The following VPS35L variants were observed in gnomAD, a reference collection of about 807,000 sequenced individuals.
The protein encoded by VPS35L is VPS35 endosomal protein-sorting factor-like.
A neutral mutation model predicts 133.0 loss-of-function variants in VPS35L; 83 were observed. The ratio of observed to expected loss-of-function variants is 0.62; its 90% CI spans 0.52 to 0.75. The LOEUF (loss-of-function observed/expected upper bound fraction) is 0.75, where lower values mean the gene tolerates loss of function less well. Among genes scored for constraint, VPS35L ranks in the 30% least tolerant of loss-of-function variants. The pLI, the probability that VPS35L is intolerant of heterozygous loss-of-function variation, is 0.00. For missense variants in VPS35L, 1,083 were observed against 1,206.8 expected (o/e 0.90, Z 1.52); for synonymous variants, 423 against 449.9 (o/e 0.94, Z 0.76).
chr16:19,664,368 G>T (rs1412045713), intron 26 of VPS35L, among the ~76,000 whole-genome samples: 2 of 152,004 alleles, frequency 1.3e-5, no homozygotes, highest in East Asian at 3.9e-4. Flanking sequence ...CCAGCAGAGA[G>T]CAGTGCCGTG....
At chr16:19,649,617 G>T (rs953030576) in intron 24 of VPS35L, among the ~76,000 whole-genome samples, 1 of 152,130 alleles carries the variant, frequency 6.6e-6, no homozygotes, top group Admixed American at 6.5e-5. Context: ...CCTAAAAAAC[G>T]GTGGCGCCCC....
chr16:19,614,819 C>G (rs1972833725), intron 12 of VPS35L, among the ~76,000 whole-genome samples: 1 of 152,242 alleles, frequency 6.6e-6, no homozygotes, highest in Non-Finnish European at 1.5e-5. Context: ...GAACTCCCCT[C>G]CGTAGCTCAT....
At chr16:19,690,419 A>G (rs1296209815) in intron 28 of VPS35L, among the ~76,000 whole-genome samples, 1 of 152,246 alleles carries the variant, frequency 6.6e-6, no homozygotes, top group Non-Finnish European at 1.5e-5. Context: ...TCACAGGACG[A>G]GACCCAGCAA....
At position 19,581,513 on chromosome 16, in the gene VPS35L, T is replaced by A; in HGVS notation, c.511-12T>A. On this transcript the variant is annotated splice_polypyrimidine_tract_variant and intron_variant, in intron 6 of 30. Coordinates refer to ENST00000417362, the MANE Select transcript of VPS35L (RefSeq NM_020314.7). The stretch of plus-strand genomic sequence containing the variant: ...TCCTGCTATGCCTTCACCTTCTGCC[T>A]TCTCCCCACAGGGTTCCCAAAAGGA... 2 of 1,573,834 alleles carry A rather than the reference T, an allele frequency of 1.3e-6. No homozygotes were observed. The highest frequency in any genetic ancestry group is 1.4e-5 in the African/African-American group (1 of 73,662).
rs1159959583 is a variant in VPS35L, at chr16:19,700,475, G to A, written c.2891G>A (p.Ter964=). The change falls in exon 31 of 31, where the codon TGA becomes TAA. Residue 964 remains the stop codon, a stop_retained_variant. Transcript: ENST00000417362. The part of the protein sequence containing the change: ...ALRLPLQTRT[*] The stretch of plus-strand genomic sequence containing the variant: ...AGACTCCCTCTGCAAACAAGGACCT[G>A]ACCCCCGGGCCCATCCCCAGGCTCA... The A allele has an allele frequency of 3.1e-6, 5 of 1,613,622 alleles. No individual in the cohort carries two copies. The Middle Eastern group carries it at 4.9e-4, about 160-fold the overall frequency.
intron 14 of VPS35L, among the ~76,000 whole-genome samples, chr16:19,624,784 T>G (rs1029245608): frequency 6.6e-6 from 1 of 152,152 alleles, no homozygotes; most frequent in African/African-American, 2.4e-5. Flanking sequence ...AGGAAGTGTC[T>G]TAACCCTGTC....
At chr16:19,566,141 G>A (rs1293533464) in intron 2 of VPS35L, among the ~76,000 whole-genome samples, 1 of 152,152 alleles carries the variant, frequency 6.6e-6, no homozygotes, top group African/African-American at 2.4e-5. Context: ...TTGTGTGGCT[G>A]TGGGTGACCT....
chr16:19,580,772 G>T (rs1411855202), intron 6 of VPS35L, among the ~76,000 whole-genome samples: 2 of 152,140 alleles, frequency 1.3e-5, no homozygotes, highest in Non-Finnish European at 2.9e-5. Context: ...CCTCCAGGAA[G>T]CCATTCCTGA....
intron 26 of VPS35L, among the ~76,000 whole-genome samples, chr16:19,657,084 G>A (rs967166266): frequency 4.0e-5 from 6 of 149,258 alleles, no homozygotes; most frequent in African/African-American, 1.2e-4. Flanking sequence ...TCCTGCTTCA[G>A]CCTCCCAAAT....
intron 23 of VPS35L, among the ~76,000 whole-genome samples, chr16:19,645,502 G>T (rs929440488): frequency 2.3e-4 from 35 of 152,152 alleles, no homozygotes; most frequent in Non-Finnish European, 3.8e-4. Flanking sequence ...TGTTAGCCAG[G>T]ATGGTCTCGA....
At chr16:19,599,859 A>G (rs778914459) in intron 8 of VPS35L, among the ~76,000 whole-genome samples, 6 of 152,116 alleles carry the variant, frequency 3.9e-5, no homozygotes, top group Non-Finnish European at 8.8e-5. Flanking sequence ...TGGGCTGGGA[A>G]TATAGGGAAA....
intron 1 of VPS35L, among the ~76,000 whole-genome samples, chr16:19,556,271 A>C (rs1316432380): frequency 6.6e-6 from 1 of 152,184 alleles, no homozygotes; most frequent in East Asian, 1.9e-4. Flanking sequence ...GGGCAGACGC[A>C]CAGTAGAGGG....
chr16:19,699,417 C>A lies in VPS35L; in HGVS notation c.2647-85C>A, dbSNP rs1005076322. 5.1e-5 allele frequency: 78 copies of A among 1,530,738 alleles called. No homozygotes were observed. Among genetic ancestry groups the A allele is most frequent in the Non-Finnish European group, 6.5e-5 (73 of 1,124,226 alleles). The allele number at this position is 1,530,738 out of a possible 1,614,324, so 94.8% of individuals were successfully genotyped here. A position where few individuals can be genotyped will look rare whatever the true frequency, so the allele number is the denominator to read the frequency against. On this transcript the variant is annotated intron_variant, in intron 29 of 30. Coordinates refer to ENST00000417362, the MANE Select transcript of VPS35L (RefSeq NM_020314.7). The surrounding 1 kb of genome is among the most constrained non-coding windows in gnomAD (Gnocchi z 4.2). Reference sequence around the variant, plus strand: ...GCACTGGAACTCAGGCATGACCTACCCCAGAGTCAGCACTGTCCACAGCAT... The same window carrying A: ...GCACTGGAACTCAGGCATGACCTACACCAGAGTCAGCACTGTCCACAGCAT...
intron 14 of VPS35L, among the ~76,000 whole-genome samples, chr16:19,620,807 C>T (rs778411398): frequency 2.0e-5 from 3 of 151,958 alleles, no homozygotes; most frequent in East Asian, 3.9e-4. Context: ...AAAAATTAGC[C>T]GAGTGTGGTG....
intron 28 of VPS35L, among the ~76,000 whole-genome samples, chr16:19,690,969 A>G (rs1975651734): frequency 1.3e-5 from 2 of 152,080 alleles, no homozygotes; most frequent in African/African-American, 2.4e-5. Flanking sequence ...CTCAAAAAAA[A>G]AAAAAGAAAA....
intron 6 of VPS35L, among the ~76,000 whole-genome samples, chr16:19,581,017 A>C (rs1227967493): frequency 6.6e-6 from 1 of 152,056 alleles, no homozygotes; most frequent in Non-Finnish European, 1.5e-5. Flanking sequence ...TTTTCTCCTG[A>C]GCATTTATCT....
chr16:19,585,406 C>CTTTTTTTTTT (rs201727936), intron 7 of VPS35L, among the ~76,000 whole-genome samples: 2 of 138,124 alleles, frequency 1.4e-5, no homozygotes, highest in Non-Finnish European at 3.2e-5. Context: ...TTTCTTTTTT[C>CTTTTTTTTTT]TTTTTTTTTT....
chr16:19,566,225 A>C (rs1221350975), intron 2 of VPS35L, among the ~76,000 whole-genome samples: 2 of 152,144 alleles, frequency 1.3e-5, no homozygotes, highest in African/African-American at 4.8e-5. Flanking sequence ...GCCGGGCTCC[A>C]TGCCTCACAC....
chr16:19,661,809 G>A (rs1031864324), intron 26 of VPS35L, among the ~76,000 whole-genome samples: 3 of 152,118 alleles, frequency 2.0e-5, no homozygotes, highest in Non-Finnish European at 2.9e-5. Flanking sequence ...AACAGCAGGA[G>A]TATTAAGAGT....
Sources: allele counts gnomAD v4.1 joint callset (sites outside exome capture counted in the v4.1 genomes callset), GRCh38; gene constraint gnomAD v4.1.1; non-coding constraint Gnocchi (gnomAD v3.1); transcripts MANE v1.5; gene names NCBI Gene and HGNC (gene_info 2026-07-23, HGNC 2026-07-21).